The following PTPRK variants were observed in gnomAD, a reference collection of about 807,000 sequenced individuals.
The protein encoded by PTPRK is receptor-type tyrosine-protein phosphatase kappa.
Under a neutral mutation model 178.0 loss-of-function variants are expected in PTPRK, and 75 were observed. The ratio of observed to expected loss-of-function variants is 0.42; its 90% CI spans 0.35 to 0.51. The LOEUF (loss-of-function observed/expected upper bound fraction) is 0.51. PTPRK is among the 20% of genes least tolerant of loss of function. The pLI is 0.02. For missense variants in PTPRK, 1,441 were observed against 1,797.8 expected, an observed-to-expected ratio of 0.80 and a Z score of 3.59; for synonymous variants, 637 against 620.6, an observed-to-expected ratio of 1.03 and a Z score of -0.39.
chr6:128,283,205 G>C (rs1046669333), intron 3 of PTPRK, among the ~76,000 whole-genome samples: 1 of 152,136 alleles, frequency 6.6e-6, no homozygotes, highest in African/African-American at 2.4e-5. Context: ...GTGCACACTT[G>C]TCCTTCACAG....
At chr6:128,416,229 A>G (rs1031205110) in intron 1 of PTPRK, among the ~76,000 whole-genome samples, 5 of 152,216 alleles carry the variant, frequency 3.3e-5, no homozygotes, top group Admixed American at 1.3e-4. Context: ...AATTTTTGCA[A>G]CAAGAATGAC....
At chr6:128,090,058 A>G in intron 7 of PTPRK, 66 bp from the exon 8 acceptor site, 1 of 1,290,506 alleles carries the variant, frequency 7.7e-7, no homozygotes, top group Non-Finnish European at 1.1e-6. Context: ...GAAAAATAAA[A>G]CACCAAGTAT....
intron 1 of PTPRK, among the ~76,000 whole-genome samples, chr6:128,516,270 G>C (rs1858001148): frequency 6.6e-6 from 1 of 152,112 alleles, no homozygotes; most frequent in African/African-American, 2.4e-5. Flanking sequence ...AGAGCTGTCA[G>C]CAGCACACAT....
chr6:128,325,824 T>C (rs1382005835), intron 2 of PTPRK, among the ~76,000 whole-genome samples: 2 of 152,184 alleles, frequency 1.3e-5, no homozygotes, highest in African/African-American at 2.4e-5. Flanking sequence ...ACTATGTATA[T>C]ATCCAAAGGA....
chr6:127,996,445 A>C (rs1777158884), intron 17 of PTPRK, among the ~76,000 whole-genome samples: 1 of 152,064 alleles, frequency 6.6e-6, no homozygotes, highest in Non-Finnish European at 1.5e-5. Flanking sequence ...TTTCAGAATC[A>C]CTGCTAATAG....
chr6:128,184,332 A>G, intron 7 of PTPRK, 100 bp downstream of exon 7: 1 of 1,160,286 alleles, frequency 8.6e-7, no homozygotes, highest in South Asian at 1.5e-5. Flanking sequence ...GTGTGACTAT[A>G]TCATATATCA....
At chr6:128,171,962 T>A (rs1044311501) in intron 7 of PTPRK, among the ~76,000 whole-genome samples, 16 of 151,922 alleles carry the variant, frequency 1.1e-4, no homozygotes, top group Non-Finnish European at 2.2e-4. Context: ...CTCGTCTTCT[T>A]AAAAAATAAG....
In PTPRK at chr6:128,475,661, G is replaced by A. The variant is rs1292738277; in HGVS notation, c.100+44598C>T. ...CAAAATTCATAAGAAACAAGGTTGG[G>A]CACAAATAATACAATTGCTTTTAAG... On this transcript the variant is annotated intron_variant, in intron 1 of 29. Coordinates refer to ENST00000368226, the MANE Select transcript of PTPRK (RefSeq NM_002844.4). 2.0e-5 allele frequency among the ~76,000 whole-genome samples: 3 copies of A among 151,974 alleles called. No individual in the cohort carries two copies. The South Asian group carries it at 6.2e-4, about 31-fold the overall frequency.
chr6:128,470,818 C>G (rs1395839142), intron 1 of PTPRK, among the ~76,000 whole-genome samples: 2 of 134,126 alleles, frequency 1.5e-5, no homozygotes, highest in East Asian at 4.3e-4. Flanking sequence ...CTGGGCTATA[C>G]AGCTTAACAT....
At chr6:128,421,701 C>G (rs370904913) in intron 1 of PTPRK, among the ~76,000 whole-genome samples, 2 of 152,226 alleles carry the variant, frequency 1.3e-5, no homozygotes, top group African/African-American at 4.8e-5. Context: ...TTCTCTTTTA[C>G]CCAGAATTAC....
chr6:128,020,975 A>G (rs1252832506), intron 13 of PTPRK, among the ~76,000 whole-genome samples: 1 of 152,166 alleles, frequency 6.6e-6, no homozygotes. Flanking sequence ...TAAATTAGAG[A>G]CTGCCTTAAT....
intron 2 of PTPRK, among the ~76,000 whole-genome samples, chr6:128,380,359 G>A (rs1837702399): frequency 6.6e-6 from 1 of 152,030 alleles, no homozygotes; most frequent in Admixed American, 6.6e-5. Context: ...ACCAGACTTG[G>A]AGATGAGCAA....
At chr6:128,028,225 C>T (rs1774661279) in intron 13 of PTPRK, among the ~76,000 whole-genome samples, 1 of 151,978 alleles carries the variant, frequency 6.6e-6, no homozygotes, top group African/African-American at 2.4e-5. Context: ...TTACAAGTCA[C>T]AATCTTTGCA....
rs1582955511 is a variant in PTPRK, at chr6:128,089,890, G to T, written c.1265C>A (p.Thr422Asn). The T allele has an allele frequency of 1.9e-6, 3 of 1,613,280 alleles. No homozygotes were observed. Among genetic ancestry groups the T allele is most frequent in the Non-Finnish European group, 2.5e-6 (3 of 1,179,214 alleles). Reference sequence around the variant, plus strand: ...ATGGTAGCAGATAGTGACATTAAAAGTGTGGCAACGCGTAATGTTGTAACC... The same window carrying T: ...ATGGTAGCAGATAGTGACATTAAAATTGTGGCAACGCGTAATGTTGTAACC... ...SLGYNITRCH[T>N]FNVTICYHYF... The change falls in exon 8 of 30, where the codon ACT becomes AAT. Residue 422 changes from threonine to asparagine, a missense_variant. Physicochemically the swap from Thr to Asn is moderately conservative, Grantham distance 65. Transcript: ENST00000368226.
In PTPRK at chr6:128,198,414, T is replaced by C. The variant is rs750292347; in HGVS notation, c.869-13689A>G. On this transcript the variant is annotated intron_variant, in intron 6 of 29. Transcript: ENST00000368226. ...TCTCTTAAAATCATCCCACCTTGAG[T>C]TGAACAACGAGAACACATGGACACA... is the stretch of plus-strand genomic sequence containing the variant. Among the ~76,000 whole-genome samples, 4 of 152,072 alleles carry C rather than the reference T, an allele frequency of 2.6e-5. No homozygotes were observed. In the South Asian group the frequency reaches 6.2e-4, roughly 24 times the overall value.
intron 1 of PTPRK, among the ~76,000 whole-genome samples, chr6:128,451,100 T>C (rs1040476509): frequency 2.6e-5 from 4 of 152,180 alleles, no homozygotes; most frequent in Non-Finnish European, 4.4e-5. Context: ...AAAAACGGTA[T>C]ACTAAAAAAT....
chr6:128,282,987 A>G (rs1157961739), intron 3 of PTPRK, among the ~76,000 whole-genome samples: 1 of 152,202 alleles, frequency 6.6e-6, no homozygotes, highest in East Asian at 1.9e-4. Context: ...TATGAGTCCT[A>G]TGTGGAAAAC....
chr6:128,235,225 A>AT, intron 5 of PTPRK, among the ~76,000 whole-genome samples: 2 of 152,274 alleles, frequency 1.3e-5, no homozygotes, highest in Non-Finnish European at 2.9e-5. Flanking sequence ...ATATTTGAAT[A>AT]TTTTTTAAAA....
chr6:128,282,900 T>G (rs776415115), intron 3 of PTPRK, among the ~76,000 whole-genome samples: 4 of 152,042 alleles, frequency 2.6e-5, no homozygotes, highest in Non-Finnish European at 4.4e-5. Context: ...CAAAACGGAA[T>G]GGTAGTTGGG....
Sources: gnomAD v4.1 joint callset for allele counts (sites outside exome capture counted in the v4.1 genomes callset) on GRCh38, gnomAD v4.1.1 for gene constraint, MANE v1.5 for transcripts, NCBI Gene and HGNC (gene_info 2026-07-23, HGNC 2026-07-21) for gene names.